IL1RAPL2: variants seen among roughly 807,000 people sequenced by gnomAD.
IL1RAPL2 encodes X-linked interleukin-1 receptor accessory protein-like 2.
Under a neutral mutation model 44.1 loss-of-function variants are expected in IL1RAPL2, and 3 were observed. The ratio of observed to expected loss-of-function variants is 0.07; its 90% CI spans 0.03 to 0.18. IL1RAPL2 has a LOEUF of 0.18. Ranked by LOEUF, IL1RAPL2 falls within the 10% of genes least tolerant of loss-of-function variation. The pLI, the probability that IL1RAPL2 is intolerant of heterozygous loss-of-function variation, is 1.00. For synonymous variants in IL1RAPL2, 181 were observed against 178.8 expected (o/e 1.01, Z -0.10); for missense variants, 391 against 496.4 (o/e 0.79, Z 2.02).
At chrX:104,604,379 T>C (rs1347520327) in intron 1 of IL1RAPL2, among the ~76,000 whole-genome samples, 1 of 110,783 alleles carries the variant, frequency 9.0e-6, no homozygotes, top group Non-Finnish European at 1.9e-5. Flanking sequence ...CCATCAACAC[T>C]ATGAAGAAAC....
chrX:105,292,291 G>T (rs1385979012), intron 5 of IL1RAPL2, among the ~76,000 whole-genome samples: 1 of 111,934 alleles, frequency 8.9e-6, no homozygotes, highest in Non-Finnish European at 1.9e-5. Flanking sequence ...AAAGTTAATT[G>T]ATATGATTTC....
chrX:104,995,820 C>T (rs777104115), intron 2 of IL1RAPL2, among the ~76,000 whole-genome samples: 15 of 111,791 alleles, frequency 1.3e-4, no homozygotes, highest in Non-Finnish European at 2.3e-4. Context: ...TTTGATCCCT[C>T]TTATCTCTTT....
chrX:104,757,899 C>T (rs1405792357), intron 2 of IL1RAPL2, among the ~76,000 whole-genome samples: 2 of 111,530 alleles, frequency 1.8e-5, no homozygotes, highest in East Asian at 5.6e-4. Flanking sequence ...CCTCAGATAC[C>T]CACAGTGAAC....
intron 6 of IL1RAPL2, among the ~76,000 whole-genome samples, chrX:105,647,348 A>G (rs1001117729): frequency 8.0e-5 from 9 of 111,998 alleles, no homozygotes; most frequent in Non-Finnish European, 1.7e-4. Context: ...CAGAGCTCCC[A>G]TACAACGGGA....
At chrX:104,567,507 C>T (rs1928061103) in intron 1 of IL1RAPL2, among the ~76,000 whole-genome samples, 1 of 112,591 alleles carries the variant, frequency 8.9e-6, no homozygotes, top group Admixed American at 9.3e-5. Flanking sequence ...CAATACGCTG[C>T]CGCTCCTGGG....
intron 5 of IL1RAPL2, among the ~76,000 whole-genome samples, chrX:105,394,143 G>T (rs2035546142): frequency 8.9e-6 from 1 of 112,079 alleles, no homozygotes; most frequent in East Asian, 2.8e-4. Flanking sequence ...TGCATTTATG[G>T]CATTAGCAAT....
chrX:104,741,536 A>G (rs1932101598), intron 2 of IL1RAPL2, among the ~76,000 whole-genome samples: 1 of 111,036 alleles, frequency 9.0e-6, no homozygotes. Context: ...GAAAATGTGT[A>G]GTGAGATATG....
At chrX:104,667,927 T>C (rs1174276375) in intron 2 of IL1RAPL2, among the ~76,000 whole-genome samples, 2 of 111,350 alleles carry the variant, frequency 1.8e-5, no homozygotes, top group African/African-American at 6.5e-5. Flanking sequence ...TGAGGGTGAT[T>C]AGGGAAGGCT....
chrX:104,699,925 A>G (rs1021129098), intron 2 of IL1RAPL2, among the ~76,000 whole-genome samples: 9 of 110,933 alleles, frequency 8.1e-5, no homozygotes, highest in African/African-American at 2.6e-4. Flanking sequence ...GTAAATAACT[A>G]TATTTTAAGA....
intron 6 of IL1RAPL2, among the ~76,000 whole-genome samples, chrX:105,622,216 T>C (rs2037423724): frequency 9.2e-6 from 1 of 109,168 alleles, no homozygotes; most frequent in Admixed American, 9.9e-5. Context: ...ATATTAAATA[T>C]GTATTCAGTA....
At chrX:104,639,498 T>C (rs182249627) in intron 1 of IL1RAPL2, among the ~76,000 whole-genome samples, 1 of 112,113 alleles carries the variant, frequency 8.9e-6, no homozygotes, top group East Asian at 2.8e-4. Flanking sequence ...ATATATTCTT[T>C]GTTCTTTTAT....
intron 5 of IL1RAPL2, among the ~76,000 whole-genome samples, chrX:105,388,762 ATCTC>A (rs2035499619): frequency 9.0e-6 from 1 of 111,079 alleles, no homozygotes; most frequent in Non-Finnish European, 1.9e-5. Context: ...GGTTTTTTGC[ATCTC>A]TCTCTTATCC....
chrX:105,250,189 C>G (rs1270066935), intron 4 of IL1RAPL2, among the ~76,000 whole-genome samples: 1 of 110,379 alleles, frequency 9.1e-6, no homozygotes, highest in Non-Finnish European at 1.9e-5. Flanking sequence ...TCAGTGGTTG[C>G]CAAGGTGTTG....
chrX:105,596,312 C>T lies in IL1RAPL2; in HGVS notation c.772+111925C>T, dbSNP rs2037209710. Among the ~76,000 whole-genome samples, 3 of 110,173 alleles carry T rather than the reference C, an allele frequency of 2.7e-5. No individual in the cohort carries two copies. In the South Asian group the frequency reaches 1.2e-3, roughly 42 times the overall value. ...AAATGCTTTCTTAAAACTGGGTCTG[C>T]TGTATCCCAAACATGTTGGTACGTT... On this transcript the variant is annotated intron_variant, in intron 6 of 10. Coordinates refer to ENST00000372582, the MANE Select transcript of IL1RAPL2 (RefSeq NM_017416.2).
chrX:105,733,796 C>T (rs1442950828), intron 7 of IL1RAPL2, among the ~76,000 whole-genome samples: 2 of 111,379 alleles, frequency 1.8e-5, no homozygotes, highest in African/African-American at 6.5e-5. Context: ...ATTTCAAAAT[C>T]TCTGCCATAT....
At chrX:105,427,496 C>A (rs999119254) in intron 5 of IL1RAPL2, among the ~76,000 whole-genome samples, 17 of 112,143 alleles carry the variant, frequency 1.5e-4, no homozygotes, top group African/African-American at 5.5e-4. Context: ...AATATCATGT[C>A]TCTTAACTTT....
chrX:104,662,536 T>C (rs1930421409), intron 2 of IL1RAPL2, among the ~76,000 whole-genome samples: 1 of 111,425 alleles, frequency 9.0e-6, no homozygotes, highest in Non-Finnish European at 1.9e-5. Flanking sequence ...GGAAATTGGC[T>C]AATATCTTGA....
chrX:104,971,609 T>C (rs1228450406), intron 2 of IL1RAPL2, among the ~76,000 whole-genome samples: 4 of 111,213 alleles, frequency 3.6e-5, no homozygotes, highest in East Asian at 2.9e-4. Context: ...TAGTCTATTA[T>C]AGAGAACTAC....
At chrX:105,363,416 A>G (rs961377732) in intron 5 of IL1RAPL2, among the ~76,000 whole-genome samples, 3 of 103,367 alleles carry the variant, frequency 2.9e-5, no homozygotes, top group Non-Finnish European at 4.0e-5. Context: ...GGGAATGCAG[A>G]TATCGCTTTG....
Sources: gnomAD v4.1 joint callset for allele counts (sites outside exome capture counted in the v4.1 genomes callset) on GRCh38, gnomAD v4.1.1 for gene constraint, MANE v1.5 for transcripts, NCBI Gene and HGNC (gene_info 2026-07-23, HGNC 2026-07-21) for gene names.